GPBP1: variants seen among roughly 807,000 people sequenced by gnomAD.
The protein encoded by GPBP1 is GC-rich promoter binding protein 1.
Under a neutral mutation model 56.5 loss-of-function variants are expected in GPBP1, and 13 were observed. That is an observed-to-expected ratio of 0.23 (90% CI 0.15 to 0.37). The LOEUF (loss-of-function observed/expected upper bound fraction) is 0.37, where lower values mean the gene tolerates loss of function less well. GPBP1 is among the 10% of genes least tolerant of loss of function. The pLI is 1.00. For missense variants in GPBP1, 477 were observed against 572.3 expected, an observed-to-expected ratio of 0.83 and a Z score of 1.70; for synonymous variants, 204 against 188.9, an observed-to-expected ratio of 1.08 and a Z score of -0.66.
chr5:57,260,983 A>G (rs894357351), intron 10 of GPBP1, among the ~76,000 whole-genome samples, 197 bp from the exon 11 acceptor site: 1 of 152,206 alleles, frequency 6.6e-6, no homozygotes, highest in Non-Finnish European at 1.5e-5. Context: ...TCTAATTTTA[A>G]TATCAGTTTA....
At chr5:57,238,627 A>C (rs559230717) in intron 6 of GPBP1, among the ~76,000 whole-genome samples, 55 of 152,330 alleles carry the variant, frequency 3.6e-4, no homozygotes, top group Admixed American at 3.3e-3. Context: ...CCTATGGAGT[A>C]CTGTTTTTGT....
chr5:57,226,282 T>C (rs139649835), intron 3 of GPBP1, among the ~76,000 whole-genome samples: 58 of 152,334 alleles, frequency 3.8e-4, no homozygotes, highest in African/African-American at 1.2e-3. Flanking sequence ...AAATTACTTA[T>C]TGGTGGTTCC....
chr5:57,189,436 T>C (rs1306591763), intron 2 of GPBP1, among the ~76,000 whole-genome samples: 3 of 152,194 alleles, frequency 2.0e-5, no homozygotes, highest in Non-Finnish European at 4.4e-5. Context: ...TTTTGTATTT[T>C]TAGTAGAGAC....
chr5:57,198,663 A>G (rs983206350), intron 2 of GPBP1, among the ~76,000 whole-genome samples: 3 of 146,308 alleles, frequency 2.1e-5, no homozygotes, highest in Non-Finnish European at 2.9e-5. Flanking sequence ...AGCCTGGCCA[A>G]CATGGTACAA....
At chr5:57,253,922 C>T (rs1460846664) in intron 10 of GPBP1, among the ~76,000 whole-genome samples, 1 of 152,094 alleles carries the variant, frequency 6.6e-6, no homozygotes, top group Non-Finnish European at 1.5e-5. Flanking sequence ...CGACACCTGG[C>T]TAGATCTTCT....
At chr5:57,232,083 C>T (rs1756485014) in intron 5 of GPBP1, among the ~76,000 whole-genome samples, 1 of 152,050 alleles carries the variant, frequency 6.6e-6, no homozygotes, top group South Asian at 2.1e-4. Context: ...GAGTTCATAG[C>T]TCACTGCATC....
At chr5:57,225,576 A>C (rs1044572010) in intron 3 of GPBP1, among the ~76,000 whole-genome samples, 1 of 152,112 alleles carries the variant, frequency 6.6e-6, no homozygotes, top group South Asian at 2.1e-4. Context: ...AGATTCTACA[A>C]AGTAAGAATT....
chr5:57,210,189 C>CT (rs1482948430), intron 2 of GPBP1, among the ~76,000 whole-genome samples: 2 of 152,008 alleles, frequency 1.3e-5, no homozygotes, highest in East Asian at 1.9e-4. Context: ...GAAGAATAAT[C>CT]TTTTTTTAAA....
At position 57,224,992 on chromosome 5, in the gene GPBP1, G is replaced by A. The variant is rs79468245; in HGVS notation, c.64-5854G>A. Among the ~76,000 whole-genome samples, 750 of 151,898 alleles carry A rather than the reference G, an allele frequency of 4.9e-3. 8 individuals are homozygous for A. The highest frequency in any genetic ancestry group is 5.7e-3 in the Non-Finnish European group (388 of 67,960). On this transcript the variant is annotated intron_variant, in intron 3 of 11. Coordinates refer to ENST00000506184, the MANE Select transcript of GPBP1 (RefSeq NM_022913.4). ...GGATCACTGCAAATTACATAAAAAT[G>A]CCCCCATCTCATTCACATCTTACCT...
In GPBP1 at chr5:57,180,827, C is replaced by T. The variant is rs527682070; in HGVS notation, c.-58+4427C>T. Among the ~76,000 whole-genome samples the T allele has an allele frequency of 6.3e-4, 96 of 152,150 alleles. 1 individual carries two copies. The East Asian group carries it at 0.018, about 28-fold the overall frequency. On this transcript the variant is annotated intron_variant, in intron 2 of 11. Transcript: ENST00000506184. ...CACAATCTCAGTTCATTGCAACCTCCGCCTCCCAGGTCCAAGCGATTTTCC... is the reference window on the plus strand; with the variant it reads ...CACAATCTCAGTTCATTGCAACCTCTGCCTCCCAGGTCCAAGCGATTTTCC...
At chr5:57,214,885 C>CGTTA (rs1441574923) in intron 3 of GPBP1, among the ~76,000 whole-genome samples, 1 of 152,170 alleles carries the variant, frequency 6.6e-6, no homozygotes, top group Non-Finnish European at 1.5e-5. Context: ...TGGTCTCTAA[C>CGTTA]GCCTGACGTT....
At chr5:57,203,874 C>T (rs564454541) in intron 2 of GPBP1, among the ~76,000 whole-genome samples, 6 of 152,266 alleles carry the variant, frequency 3.9e-5, no homozygotes, top group African/African-American at 1.4e-4. Flanking sequence ...ACATTGGATA[C>T]TTCTTTCTGG....
At chr5:57,229,414 T>C (rs1427184626) in intron 3 of GPBP1, among the ~76,000 whole-genome samples, 1 of 152,184 alleles carries the variant, frequency 6.6e-6, no homozygotes, top group Non-Finnish European at 1.5e-5. Flanking sequence ...TTTTGAGAAC[T>C]GGCTTTTTGC....
intron 6 of GPBP1, among the ~76,000 whole-genome samples, chr5:57,243,959 G>C (rs1206395317): frequency 6.6e-6 from 1 of 152,032 alleles, no homozygotes. Flanking sequence ...AAAGTGCTGG[G>C]ATTACAGGCA....
intron 8 of GPBP1, 197 bp from the exon 9 acceptor site, chr5:57,249,212 T>C: frequency 2.2e-6 from 1 of 463,088 alleles, no homozygotes; most frequent in Non-Finnish European, 3.9e-6. Context: ...CTTCATTGTT[T>C]GTGGGATAAG....
At position 57,175,730 on chromosome 5, in the gene GPBP1, C is replaced by CCCCA. The variant is rs1753766287; in HGVS notation, c.-724_-721dup. ...TGGTGGTAATTTTTGCCTCCCCTTC[C>CCCCA]CCCACCCCGTTGTTGGGGTTCTTCA... On this transcript the variant is annotated 5_prime_UTR_variant, in exon 2 of 12. Coordinates refer to ENST00000506184, the MANE Select transcript of GPBP1 (RefSeq NM_022913.4). The CCCCA allele has an allele frequency of 2.5e-6, 1 of 396,438 alleles. No individual in the cohort carries two copies. Among genetic ancestry groups the CCCCA allele is most frequent in the Admixed American group, 4.4e-5 (1 of 22,670 alleles). 24.6% of individuals were successfully genotyped at this position (396,438 alleles called of 1,614,324 possible).
rs1753689937 is a variant in GPBP1 at position 57,174,194 on chromosome 5, C to T, written c.-1028C>T. On this transcript the variant is annotated 5_prime_UTR_variant, in exon 1 of 12. Transcript: ENST00000506184. ...CGGCGGCACCCCCAGGCCAGGGGCA[C>T]CTCTGGTGGGGCAGAAGGTAACACC... 2 of 152,940 alleles carry T rather than the reference C, an allele frequency of 1.3e-5. No individual in the cohort carries two copies. The highest frequency in any genetic ancestry group is 2.4e-5 in the African/African-American group (1 of 41,428). The allele number at this position is 152,940 out of a possible 1,614,324, so 9.5% of individuals were successfully genotyped here. A position where few individuals can be genotyped will look rare whatever the true frequency, so the allele number is the denominator to read the frequency against.
chr5:57,184,488 A>T (rs1454384909), intron 2 of GPBP1, among the ~76,000 whole-genome samples: 3 of 151,934 alleles, frequency 2.0e-5, no homozygotes, highest in Non-Finnish European at 4.4e-5. Flanking sequence ...GAGTGAGGTG[A>T]GGGGGGAGGT....
intron 10 of GPBP1, among the ~76,000 whole-genome samples, chr5:57,254,074 T>C (rs1240694997): frequency 6.6e-6 from 1 of 152,152 alleles, no homozygotes. Flanking sequence ...TACAGGTGTG[T>C]ACCACCATGC....
Sources: gnomAD v4.1 joint callset for allele counts (sites outside exome capture counted in the v4.1 genomes callset) on GRCh38, gnomAD v4.1.1 for gene constraint, MANE v1.5 for transcripts, NCBI Gene and HGNC (gene_info 2026-07-23, HGNC 2026-07-21) for gene names.